The following MAX variants were observed in gnomAD, a reference collection of about 807,000 sequenced individuals.
MAX encodes the protein protein max.
A neutral mutation model predicts 22.3 loss-of-function variants in MAX; 3 were observed. The observed-to-expected ratio is 0.13, with a 90% CI of 0.06 to 0.35. The LOEUF is 0.35. Ranked by LOEUF, MAX falls within the 10% of genes least tolerant of loss-of-function variation. The pLI is 1.00. For synonymous variants in MAX, 72 were observed against 77.7 expected (o/e 0.93, Z 0.39); for missense variants, 119 against 209.4 (o/e 0.57, Z 2.66).
Position 65,069,455 on chromosome 14 carries a change from C to T in MAX, c.171+24253G>A, listed in dbSNP as rs1318175267. Among the ~76,000 whole-genome samples the T allele has an allele frequency of 2.0e-5, 3 of 152,224 alleles. No homozygotes were observed. The highest frequency in any genetic ancestry group is 7.2e-5 in the African/African-American group (3 of 41,454). On this transcript the variant is annotated intron_variant, in intron 3 of 3. Transcript: ENST00000341653. This position sits in a 1 kb window ranked among gnomAD's most constrained non-coding sequence, Gnocchi z 4.6. ...CCAGACGTGCATTTGTGCTAAATGCCTAACCTCATCTCTAAGCTTCTTCAA... is the reference window on the plus strand; with the variant it reads ...CCAGACGTGCATTTGTGCTAAATGCTTAACCTCATCTCTAAGCTTCTTCAA...
Position 65,044,905 on chromosome 14 carries a change from G to C in MAX, c.172-38621C>G, listed in dbSNP as rs2062441258. ...AACCCATGTGTAGGGGTGGGTTGTA[G>C]GGGTGGGTTGCCCCTACACCATGGA... On this transcript the variant is annotated intron_variant, in intron 3 of 3. Coordinates refer to the MAX transcript ENST00000341653. The surrounding 1 kb of genome is among the most constrained non-coding windows in gnomAD (Gnocchi z 5.5). 6.4e-6 allele frequency: 1 copy of C among 155,358 alleles called. No individual in the cohort carries two copies. Among genetic ancestry groups the C allele is most frequent in the Non-Finnish European group, 1.4e-5 (1 of 70,366 alleles). 9.6% of individuals were successfully genotyped at this position (155,358 alleles called of 1,614,324 possible). A position where few individuals can be genotyped will look rare whatever the true frequency, so the allele number is the denominator to read the frequency against.
chr14:65,024,921 T>A (rs2061952478), intron 3 of MAX, among the ~76,000 whole-genome samples: 1 of 151,614 alleles, frequency 6.6e-6, no homozygotes, highest in Non-Finnish European at 1.5e-5. Context: ...GCCTGGCTCC[T>A]TTTTTTTGTT....
At chr14:65,055,129 G>GC (rs1309482414) in intron 3 of MAX, among the ~76,000 whole-genome samples, 1 of 152,242 alleles carries the variant, frequency 6.6e-6, no homozygotes, top group African/African-American at 2.4e-5. Context: ...TCCCCAGAAT[G>GC]CTCTGCCTCA....
intron 3 of MAX, among the ~76,000 whole-genome samples, chr14:65,024,087 G>A (rs1157518874): frequency 2.0e-5 from 3 of 150,736 alleles, no homozygotes; most frequent in African/African-American, 7.3e-5. Context: ...GGGCGACAGA[G>A]GGACACTCCA....
chr14:65,060,176 A>G (rs2062830125), intron 3 of MAX, among the ~76,000 whole-genome samples: 1 of 152,068 alleles, frequency 6.6e-6, no homozygotes, highest in Admixed American at 6.6e-5. Context: ...TTATTGTTTT[A>G]ATAATTGGGA....
chr14:65,078,180 C>T lies in MAX; in HGVS notation c.172-144G>A. The T allele has an allele frequency of 5.1e-6, 4 of 780,408 alleles. No individual in the cohort carries two copies. Among genetic ancestry groups the T allele is most frequent in the Non-Finnish European group, 8.4e-6 (4 of 473,502 alleles). 48.3% of individuals were successfully genotyped at this position (780,408 alleles called of 1,614,324 possible). On this transcript the variant is annotated intron_variant, in intron 3 of 4. Coordinates refer to ENST00000358664, the MANE Select transcript of MAX (RefSeq NM_002382.5). This position sits in a 1 kb window ranked among gnomAD's most constrained non-coding sequence, Gnocchi z 6.4. Reference sequence around the variant, plus strand: ...GGCTGAAGAAATACAATAATGGCTACTGTAGGCTTTATTTATTTATTTATT... The same window carrying T: ...GGCTGAAGAAATACAATAATGGCTATTGTAGGCTTTATTTATTTATTTATT...
At chr14:65,033,450 A>G (rs1297600610) in intron 3 of MAX, among the ~76,000 whole-genome samples, 1 of 152,246 alleles carries the variant, frequency 6.6e-6, no homozygotes, top group Admixed American at 6.5e-5. Context: ...TGTAATAGTT[A>G]ACAACAACAA....
At chr14:65,048,431 C>T (rs1213974475) in intron 3 of MAX, among the ~76,000 whole-genome samples, 1 of 152,124 alleles carries the variant, frequency 6.6e-6, no homozygotes, top group African/African-American at 2.4e-5. Context: ...AAAAAGAATG[C>T]TCTACATAGT....
rs1448381215 is a variant in MAX at position 65,031,220 on chromosome 14, A to C, written c.172-24936T>G. On this transcript the variant is annotated intron_variant, in intron 3 of 3. Coordinates refer to the MAX transcript ENST00000341653. The surrounding 1 kb of genome is among the most constrained non-coding windows in gnomAD (Gnocchi z 4.6). ...AGGCAGTCTGTGTGTGTATACCATGACAGAGGGAGAAGCTGAAATAAAATG... is the reference window on the plus strand; with the variant it reads ...AGGCAGTCTGTGTGTGTATACCATGCCAGAGGGAGAAGCTGAAATAAAATG... Among the ~76,000 whole-genome samples the C allele has an allele frequency of 6.6e-6, 1 of 152,186 alleles. No individual in the cohort carries two copies.
At chr14:65,059,786 T>G (rs556457368) in intron 3 of MAX, among the ~76,000 whole-genome samples, 1 of 151,978 alleles carries the variant, frequency 6.6e-6, no homozygotes, top group East Asian at 1.9e-4. Context: ...GTTTATATAT[T>G]TAAATATGAT....
intron 3 of MAX, among the ~76,000 whole-genome samples, chr14:65,063,693 TA>T (rs1216331260): frequency 2.0e-5 from 3 of 152,096 alleles, no homozygotes; most frequent in Non-Finnish European, 4.4e-5. Context: ...GCCTCCCAAG[TA>T]GCTAGGACCA....
At chr14:65,102,555 GC>G (rs997944024), upstream of MAX, 1 of 1,444,086 alleles carries the variant, frequency 6.9e-7, no homozygotes, top group Non-Finnish European at 9.1e-7. Flanking sequence ...CGCCCGGTCG[GC>G]CCCCGCCACG....
At chr14:65,071,788 A>C (rs2062990244), downstream of MAX, among the ~76,000 whole-genome samples, 1 of 152,194 alleles carries the variant, frequency 6.6e-6, no homozygotes, top group Admixed American at 6.5e-5. The surrounding 1 kb of genome is among the most constrained non-coding windows in gnomAD (Gnocchi z 4.2). Context: ...AAGCAAGGAC[A>C]ACACTTACCA....
chr14:65,102,322 G>A lies in MAX; in HGVS notation c.18C>T (p.Asp6=), dbSNP rs2063874870. 1 of 1,613,756 alleles carries A rather than the reference G, an allele frequency of 6.2e-7. No individual in the cohort carries two copies. The highest frequency in any genetic ancestry group is 8.5e-7 in the Non-Finnish European group (1 of 1,179,824). MSDND[D]IEVESDEEQP... ...GACTCACGTCGCTCTCCACCTCGAT[G>A]TCATCGTTATCGCTCATTTCCTACG... The change falls in exon 1 of 5, where the codon GAC becomes GAT. Residue 6 remains aspartate (D), a synonymous_variant. Coordinates refer to ENST00000358664, the MANE Select transcript of MAX (RefSeq NM_002382.5).
At chr14:65,052,679 AGTTACTAGTAAT>A (rs1330024748) in intron 3 of MAX, among the ~76,000 whole-genome samples, 1 of 152,224 alleles carries the variant, frequency 6.6e-6, no homozygotes, top group Non-Finnish European at 1.5e-5. Flanking sequence ...GCAGGAGGGC[AGTTACTAGTAAT>A]GTTTCTTAGG....
At chr14:65,055,226 T>G (rs1032527905) in intron 3 of MAX, among the ~76,000 whole-genome samples, 2 of 152,188 alleles carry the variant, frequency 1.3e-5, no homozygotes, top group Non-Finnish European at 2.9e-5. Context: ...GAAAAAACAA[T>G]AGCCCTATGA....
intron 3 of MAX, among the ~76,000 whole-genome samples, chr14:65,043,256 T>G (rs535207984): frequency 4.6e-5 from 7 of 152,344 alleles, no homozygotes; most frequent in African/African-American, 1.7e-4. Flanking sequence ...ACTATCTTGA[T>G]CTTTGTAGTA....
Position 65,027,604 on chromosome 14 carries a change from A to G in MAX, c.172-21320T>C. On this transcript the variant is annotated intron_variant, in intron 3 of 3. Coordinates refer to the MAX transcript ENST00000341653. The surrounding 1 kb of genome is among the most constrained non-coding windows in gnomAD (Gnocchi z 5.7). ...GGCCTATGACATCATTAACAGGTAC[A>G]GTGAAAGCCAGCAGTGACAGAAACC... 1 of 1,614,188 alleles carries G rather than the reference A, an allele frequency of 6.2e-7. No homozygotes were observed. Among genetic ancestry groups the G allele is most frequent in the Non-Finnish European group, 8.5e-7 (1 of 1,180,010 alleles).
intron 3 of MAX, among the ~76,000 whole-genome samples, chr14:65,057,888 T>A (rs985986077): frequency 1.3e-5 from 2 of 152,218 alleles, no homozygotes; most frequent in Admixed American, 1.3e-4. Flanking sequence ...GTTTCTGGAC[T>A]CTCTTATTTT....
Sources: gnomAD v4.1 joint callset for allele counts (sites outside exome capture counted in the v4.1 genomes callset) on GRCh38, gnomAD v4.1.1 for gene constraint, Gnocchi (gnomAD v3.1) non-coding constraint, MANE v1.5 for transcripts, NCBI Gene and HGNC (gene_info 2026-07-23, HGNC 2026-07-21) for gene names.